TWIST2: variants seen among roughly 807,000 people sequenced by gnomAD.
The protein encoded by TWIST2 is twist-related protein 2.
TWIST2 carries 1 observed loss-of-function variant against 11.6 expected under a neutral mutation model. That is an observed-to-expected ratio of 0.09 (90% CI 0.03 to 0.41). The LOEUF (loss-of-function observed/expected upper bound fraction) is 0.41. Among genes scored for constraint, TWIST2 ranks in the 10% least tolerant of loss-of-function variants. The probability of loss-of-function intolerance (pLI) is 0.98; values close to 1 mark genes in which losing one functional copy is unlikely to be tolerated. For synonymous variants in TWIST2, 87 were observed against 96.6 expected (o/e 0.90, Z 0.58); for missense variants, 168 against 226.4 (o/e 0.74, Z 1.66).
intron 1 of TWIST2, among the ~76,000 whole-genome samples, chr2:238,871,548 T>C (rs1192674886): frequency 6.6e-5 from 3 of 45,652 alleles, no homozygotes; most frequent in African/African-American, 9.4e-5. Flanking sequence ...ACACACCACA[T>C]CCTCCCACAC....
chr2:238,909,336 A>G (rs1037979346), intron 1 of TWIST2, among the ~76,000 whole-genome samples: 5 of 152,044 alleles, frequency 3.3e-5, no homozygotes, highest in African/African-American at 1.2e-4. Flanking sequence ...ATTTTAAAGC[A>G]AGAATCCGCC....
At chr2:238,853,448 G>GGAGAGAGGGAGAGAGA (rs1692278600) in intron 1 of TWIST2, among the ~76,000 whole-genome samples, 1 of 130,634 alleles carries the variant, frequency 7.7e-6, no homozygotes. Flanking sequence ...AGGGAGAGAT[G>GGAGAGAGGGAGAGAGA]GAGAGAGAGA....
At chr2:238,909,143 T>C (rs1693409924) in intron 1 of TWIST2, among the ~76,000 whole-genome samples, 2 of 136,108 alleles carry the variant, frequency 1.5e-5, no homozygotes, top group African/African-American at 5.7e-5. Flanking sequence ...GTGGGTGTGG[T>C]ATGTGTATGT....
rs1257324795 is a variant in TWIST2 at position 238,867,504 on chromosome 2, G to A, written c.*35+18771G>A. On this transcript the variant is annotated intron_variant, in intron 1 of 1. Coordinates refer to ENST00000612363, the MANE Select transcript of TWIST2 (RefSeq NM_001271893.4). The surrounding 1 kb of genome is among the most constrained non-coding windows in gnomAD (Gnocchi z 4.8). Reference sequence around the variant, plus strand: ...AGAGAAGTCCCAGCCAGCTCCCGGGGTGGTGTGGGCTGAGGAAGAGGCTGG... The same window carrying A: ...AGAGAAGTCCCAGCCAGCTCCCGGGATGGTGTGGGCTGAGGAAGAGGCTGG... Among the ~76,000 whole-genome samples, 1 of 152,048 alleles carries A rather than the reference G, an allele frequency of 6.6e-6. No individual in the cohort carries two copies. The highest frequency in any genetic ancestry group is 2.4e-5 in the African/African-American group (1 of 41,370).
intron 1 of TWIST2, among the ~76,000 whole-genome samples, chr2:238,908,285 T>C (rs1693390302): frequency 2.3e-5 from 3 of 131,352 alleles, no homozygotes; most frequent in Non-Finnish European, 4.8e-5. Flanking sequence ...TACCACACAC[T>C]ACACACACAC....
chr2:238,896,096 CCTT>C (rs1450957427), intron 1 of TWIST2, among the ~76,000 whole-genome samples: 2 of 152,164 alleles, frequency 1.3e-5, no homozygotes, highest in African/African-American at 4.8e-5. Flanking sequence ...CAGGATTCCT[CCTT>C]CTCAGGCGCA....
At chr2:238,856,133 G>A (rs1363469144) in intron 1 of TWIST2, among the ~76,000 whole-genome samples, 2 of 152,272 alleles carry the variant, frequency 1.3e-5, no homozygotes, top group African/African-American at 2.4e-5. Context: ...GGTAGGGTCA[G>A]GAGAGAGCTT....
intron 1 of TWIST2, among the ~76,000 whole-genome samples, chr2:238,880,819 T>C (rs1357370716): frequency 2.4e-5 from 3 of 124,904 alleles, no homozygotes; most frequent in Non-Finnish European, 3.4e-5. Flanking sequence ...GTATTAGTGT[T>C]AGTATTTATT....
In TWIST2 at chr2:238,864,985, C is replaced by A. The variant is rs1396854476; in HGVS notation, c.*35+16252C>A. ...GTGGGCCTGGCCACCCGAGGGGCCT[C>A]TTCTCTCCCCCTGCAAACTGACATA... On this transcript the variant is annotated intron_variant, in intron 1 of 1. Transcript: ENST00000612363. This position sits in a 1 kb window ranked among gnomAD's most constrained non-coding sequence, Gnocchi z 4.7. 6.6e-6 allele frequency among the ~76,000 whole-genome samples: 1 copy of A among 152,142 alleles called. No individual in the cohort carries two copies. Among genetic ancestry groups the A allele is most frequent in the African/African-American group, 2.4e-5 (1 of 41,458 alleles).
In TWIST2 at chr2:238,848,607, C is replaced by A; in HGVS notation, c.392C>A (p.Thr131Asn). 1 of 1,556,788 alleles carries A rather than the reference C, an allele frequency of 6.4e-7. No individual in the cohort carries two copies. The part of the protein sequence containing the change: ...LQSDEMDNKM[T>N]SCSYVAHERL... ...AGCGACGAGATGGACAATAAGATGA[C>A]CAGCTGCAGCTACGTGGCCCACGAG... Residue 131 changes from threonine to asparagine, a missense_variant, in exon 1 of 2, where the codon ACC (threonine) becomes AAC (asparagine). Thr to Asn is a moderately conservative substitution (Grantham distance 65). Around this residue, in one of 3 missense-constraint regions of TWIST2, gnomAD observed 62 missense variants for 75.3 expected, o/e 0.82. Coordinates refer to ENST00000612363, the MANE Select transcript of TWIST2 (RefSeq NM_001271893.4).
chr2:238,851,774 TAGA>T (rs566559440), intron 1 of TWIST2, among the ~76,000 whole-genome samples: 83 of 152,324 alleles, frequency 5.4e-4, no homozygotes, highest in Non-Finnish European at 1.1e-3. Context: ...TTTGCTTGCC[TAGA>T]AGAAGTAGAA....
intron 1 of TWIST2, among the ~76,000 whole-genome samples, chr2:238,871,588 CCACA>C (rs765832962): frequency 1.5e-5 from 2 of 131,260 alleles, no homozygotes; most frequent in Non-Finnish European, 3.3e-5. Context: ...CTGACACACA[CCACA>C]CACACAGCAC....
chr2:238,900,983 C>A (rs929687373), intron 1 of TWIST2, among the ~76,000 whole-genome samples: 1 of 146,550 alleles, frequency 6.8e-6, no homozygotes, highest in African/African-American at 2.6e-5. Context: ...CCTTCCCCCC[C>A]GGCTTTTTTT....
chr2:238,904,827 G>A (rs1693321852), intron 1 of TWIST2, among the ~76,000 whole-genome samples: 2 of 152,116 alleles, frequency 1.3e-5, no homozygotes, highest in Non-Finnish European at 1.5e-5. Context: ...GGAAGGAAGG[G>A]AGGGAAAAAT....
chr2:238,883,841 C>T (rs1272925619), intron 1 of TWIST2, among the ~76,000 whole-genome samples: 1 of 152,166 alleles, frequency 6.6e-6, no homozygotes, highest in African/African-American at 2.4e-5. Flanking sequence ...GTAAGATGCA[C>T]ATAACTGTGG....
chr2:238,891,338 T>C (rs1693129228), intron 1 of TWIST2, among the ~76,000 whole-genome samples: 1 of 152,242 alleles, frequency 6.6e-6, no homozygotes, highest in African/African-American at 2.4e-5. Context: ...GCGCCCTCAC[T>C]GTGCCCAGTG....
chr2:238,876,585 G>A (rs1023796129), intron 1 of TWIST2, among the ~76,000 whole-genome samples: 1 of 152,178 alleles, frequency 6.6e-6, no homozygotes, highest in Non-Finnish European at 1.5e-5. Flanking sequence ...AAACCTGTCA[G>A]GGATAGGAGA....
intron 1 of TWIST2, among the ~76,000 whole-genome samples, chr2:238,897,567 G>C (rs1389992363): frequency 1.3e-5 from 2 of 152,180 alleles, no homozygotes; most frequent in Admixed American, 6.5e-5. Context: ...GGCCAGCCTT[G>C]TGCTCAGCTG....
intron 1 of TWIST2, among the ~76,000 whole-genome samples, chr2:238,894,692 T>C (rs1459779805): frequency 2.0e-5 from 3 of 152,060 alleles, no homozygotes; most frequent in Non-Finnish European, 4.4e-5. Context: ...TCTCCCCACC[T>C]TCCTGGCTGT....
Sources: allele counts gnomAD v4.1 joint callset (sites outside exome capture counted in the v4.1 genomes callset), GRCh38; gene constraint gnomAD v4.1.1; regional missense constraint gnomAD v4.1.1; non-coding constraint Gnocchi (gnomAD v3.1); transcripts MANE v1.5; gene names NCBI Gene and HGNC (gene_info 2026-07-23, HGNC 2026-07-21).